Variants in MDGA2 observed in about 807,000 individuals in gnomAD.
The protein encoded by MDGA2 is MAM domain containing glycosylphosphatidylinositol anchor 2, also known as MAM domain-containing glycosylphosphatidylinositol anchor protein 2.
A neutral mutation model predicts 117.8 loss-of-function variants in MDGA2; 40 were observed. The observed-to-expected ratio is 0.34, with a 90% CI of 0.26 to 0.44. MDGA2 has a LOEUF of 0.44. MDGA2 is among the 20% of genes least tolerant of loss of function. The pLI, the probability that MDGA2 is intolerant of heterozygous loss-of-function variation, is 1.00. For missense variants in MDGA2, 1,123 were observed against 1,250.6 expected (o/e 0.90, Z 1.54); for synonymous variants, 452 against 439.0 (o/e 1.03, Z -0.37).
intron 1 of MDGA2, among the ~76,000 whole-genome samples, chr14:47,522,911 T>C (rs1894899074): frequency 6.6e-6 from 1 of 152,186 alleles, no homozygotes; most frequent in Non-Finnish European, 1.5e-5. Flanking sequence ...GGAAATAATG[T>C]GTCACGAATT....
chr14:46,870,995 T>C (rs990134041), intron 14 of MDGA2: 5 of 151,732 alleles, frequency 3.3e-5, no homozygotes, highest in African/African-American at 9.7e-5. Flanking sequence ...CCAATGTAAA[T>C]TGGAAGAGGA....
chr14:46,918,677 A>C (rs1434057962), intron 10 of MDGA2, among the ~76,000 whole-genome samples: 1 of 151,984 alleles, frequency 6.6e-6, no homozygotes, highest in African/African-American at 2.4e-5. Flanking sequence ...ATCAAAGGCC[A>C]GGATGTTTTC....
chr14:47,128,632 T>C (rs1322638485), intron 5 of MDGA2, among the ~76,000 whole-genome samples: 1 of 152,112 alleles, frequency 6.6e-6, no homozygotes, highest in South Asian at 2.1e-4. Flanking sequence ...TGAGATTAAC[T>C]TTTATAAGTG....
chr14:46,973,262 T>C (rs573448619), intron 8 of MDGA2, among the ~76,000 whole-genome samples: 8 of 152,134 alleles, frequency 5.3e-5, no homozygotes, highest in Non-Finnish European at 1.2e-4. Flanking sequence ...TCATAGACCT[T>C]AGTATTTACT....
chr14:47,562,333 A>G (rs2138802715), intron 1 of MDGA2, among the ~76,000 whole-genome samples: 1 of 152,278 alleles, frequency 6.6e-6, no homozygotes. Context: ...AGCTGGCAGA[A>G]TTTGGTTGTA....
At chr14:47,197,295 G>A (rs960377948) in intron 3 of MDGA2, among the ~76,000 whole-genome samples, 1 of 152,044 alleles carries the variant, frequency 6.6e-6, no homozygotes, top group Non-Finnish European at 1.5e-5. Context: ...GGTAATGAGG[G>A]TGGAAGCCTC....
At chr14:46,982,906 T>C (rs529300926) in intron 8 of MDGA2, among the ~76,000 whole-genome samples, 2 of 152,048 alleles carry the variant, frequency 1.3e-5, no homozygotes, top group East Asian at 3.9e-4. Context: ...GGAATGCTTC[T>C]AGTTTTTGCC....
chr14:47,627,740 C>T (rs961076891), intron 1 of MDGA2, among the ~76,000 whole-genome samples: 2 of 152,188 alleles, frequency 1.3e-5, no homozygotes, highest in Non-Finnish European at 2.9e-5. Flanking sequence ...GGGTCCCCTT[C>T]CACATTGTGG....
chr14:47,061,155 GA>G, intron 7 of MDGA2, 93 bp downstream of exon 7: 2 of 1,222,252 alleles, frequency 1.6e-6, no homozygotes, highest in East Asian at 2.4e-5. Flanking sequence ...ACTTAAAAGG[GA>G]AAAAATATTT....
intron 3 of MDGA2, among the ~76,000 whole-genome samples, chr14:47,175,445 T>C (rs754712875): frequency 0.021 from 3,165 of 148,636 alleles, 40 homozygotes; most frequent in Non-Finnish European, 0.033. Flanking sequence ...AAAAAGCTTA[T>C]CCACCATGAT....
intron 2 of MDGA2, among the ~76,000 whole-genome samples, chr14:47,241,746 C>A (rs780875487): frequency 5.3e-5 from 8 of 151,798 alleles, no homozygotes; most frequent in Non-Finnish European, 1.0e-4. Context: ...AACCCTAGCA[C>A]ATATTTTATG....
At chr14:47,079,873 A>G (rs1017513425) in intron 6 of MDGA2, among the ~76,000 whole-genome samples, 1 of 151,574 alleles carries the variant, frequency 6.6e-6, no homozygotes, top group African/African-American at 2.4e-5. Context: ...CTGGGACTAC[A>G]GGCGCCCGCC....
At chr14:46,978,821 T>C (rs895986964) in intron 8 of MDGA2, among the ~76,000 whole-genome samples, 3 of 152,188 alleles carry the variant, frequency 2.0e-5, no homozygotes, top group African/African-American at 4.8e-5. Flanking sequence ...TTCAGTATTA[T>C]GGTAACTACA....
chr14:47,152,005 T>C (rs1287112254), intron 3 of MDGA2, among the ~76,000 whole-genome samples: 1 of 152,148 alleles, frequency 6.6e-6, no homozygotes, highest in Non-Finnish European at 1.5e-5. Flanking sequence ...TTCATTTAAA[T>C]GCAGTAGCTA....
At chr14:47,646,493 G>A (rs909553954) in intron 1 of MDGA2, among the ~76,000 whole-genome samples, 18 of 152,012 alleles carry the variant, frequency 1.2e-4, no homozygotes, top group African/African-American at 3.4e-4. Context: ...CTTTCTTCTC[G>A]GGTCTGGATC....
chr14:47,000,451 A>G lies in MDGA2; in HGVS notation c.1819+34560T>C, dbSNP rs1306705028. On this transcript the variant is annotated intron_variant, in intron 8 of 16. Coordinates refer to ENST00000399232, the MANE Select transcript of MDGA2 (RefSeq NM_001113498.3). ...TAAATATATATACATATAAATATAT[A>G]TATAAATATATATATGTATAACAGG... Among the ~76,000 whole-genome samples the G allele has an allele frequency of 2.1e-5, 3 of 142,842 alleles. No homozygotes were observed. The South Asian group carries it at 6.4e-4, about 30-fold the overall frequency. 93.7% of individuals were successfully genotyped at this position (142,842 alleles called of 152,430 possible).
chr14:46,897,769 C>CA (rs984269874), intron 10 of MDGA2, among the ~76,000 whole-genome samples: 1 of 151,722 alleles, frequency 6.6e-6, no homozygotes, highest in Non-Finnish European at 1.5e-5. Context: ...GTGCAGTGAG[C>CA]AATTAATTTA....
At chr14:47,479,409 T>C (rs1350914483) in intron 1 of MDGA2, among the ~76,000 whole-genome samples, 2 of 152,058 alleles carry the variant, frequency 1.3e-5, no homozygotes, top group African/African-American at 4.8e-5. Context: ...TTGAAATAGA[T>C]AACATCTTCC....
intron 1 of MDGA2, among the ~76,000 whole-genome samples, chr14:47,473,338 C>G (rs1594875030): frequency 6.6e-6 from 1 of 152,112 alleles, no homozygotes; most frequent in Non-Finnish European, 1.5e-5. Context: ...TGTAACAACT[C>G]TCACTTATTA....
Sources: allele counts gnomAD v4.1 joint callset (sites outside exome capture counted in the v4.1 genomes callset), GRCh38; gene constraint gnomAD v4.1.1; transcripts MANE v1.5; gene names NCBI Gene and HGNC (gene_info 2026-07-23, HGNC 2026-07-21).